The following SHISA6 variants were observed in gnomAD, a reference collection of about 807,000 sequenced individuals.
SHISA6 encodes protein shisa-6.
In SHISA6, 22 loss-of-function variants were observed where a neutral mutation model predicts 47.9. The ratio of observed to expected loss-of-function variants is 0.46; its 90% CI spans 0.33 to 0.66. SHISA6 has a LOEUF of 0.66. SHISA6 is among the 30% of genes least tolerant of loss of function. The probability of loss-of-function intolerance (pLI) is 0.02; values close to 1 mark genes in which losing one functional copy is unlikely to be tolerated. For synonymous variants in SHISA6, 388 were observed against 337.8 expected, an observed-to-expected ratio of 1.15 and a Z score of -1.63; for missense variants, 680 against 764.6, an observed-to-expected ratio of 0.89 and a Z score of 1.30.
intron 2 of SHISA6, among the ~76,000 whole-genome samples, chr17:11,354,345 G>T (rs1235543050): frequency 6.6e-6 from 1 of 152,094 alleles, no homozygotes; most frequent in East Asian, 1.9e-4. Flanking sequence ...GCACATTCTG[G>T]GTAGCTGGGT....
intron 2 of SHISA6, among the ~76,000 whole-genome samples, chr17:11,360,045 A>G (rs997755477): frequency 6.6e-5 from 10 of 152,234 alleles, no homozygotes; most frequent in African/African-American, 1.9e-4. Context: ...AATTTACCAT[A>G]GCAAAGACTT....
At chr17:11,311,302 C>T (rs1910334556) in intron 2 of SHISA6, among the ~76,000 whole-genome samples, 2 of 134,206 alleles carry the variant, frequency 1.5e-5, no homozygotes, top group South Asian at 2.4e-4. Context: ...AAAAAAAAAC[C>T]GACAAACAAA....
intron 1 of SHISA6, among the ~76,000 whole-genome samples, chr17:11,257,604 C>T (rs1349579653): frequency 5.3e-5 from 8 of 149,586 alleles, no homozygotes; most frequent in Admixed American, 1.3e-4. Context: ...GAGGCTGCAG[C>T]GAGCCGTGAT....
intron 4 of SHISA6, among the ~76,000 whole-genome samples, 194 bp downstream of exon 4, chr17:11,552,146 T>C (rs2071937226): frequency 6.6e-6 from 1 of 152,230 alleles, no homozygotes. Flanking sequence ...TTCCCCTTGG[T>C]GTTTCTGTCT....
intron 3 of SHISA6, among the ~76,000 whole-genome samples, chr17:11,550,023 C>G (rs949951232): frequency 6.6e-6 from 1 of 152,050 alleles, no homozygotes; most frequent in Non-Finnish European, 1.5e-5. Flanking sequence ...TGGCCTACTT[C>G]CCAAACCCAC....
At chr17:11,356,997 CCT>C (rs1332554729) in intron 2 of SHISA6, among the ~76,000 whole-genome samples, 1 of 151,800 alleles carries the variant, frequency 6.6e-6, no homozygotes. Flanking sequence ...ATCGTGAAAT[CCT>C]GTCTGTACTT....
intron 3 of SHISA6, among the ~76,000 whole-genome samples, chr17:11,380,714 G>T (rs1912979735): frequency 6.6e-6 from 1 of 152,166 alleles, no homozygotes; most frequent in South Asian, 2.1e-4. Flanking sequence ...GTTCCTGTGG[G>T]TTGGGAACCT....
chr17:11,551,510 A>G (rs1173261077), intron 3 of SHISA6, among the ~76,000 whole-genome samples: 1 of 151,994 alleles, frequency 6.6e-6, no homozygotes, highest in East Asian at 1.9e-4. Context: ...ACCACACCCT[A>G]ATACCCACCA....
chr17:11,289,821 C>T (rs1909456047), intron 2 of SHISA6: 1 of 151,844 alleles, frequency 6.6e-6, no homozygotes, highest in Admixed American at 6.6e-5. Flanking sequence ...AGTGCTTGTG[C>T]TCTCTCTCTT....
Position 11,241,475 on chromosome 17 carries a change from A to G in SHISA6, c.53A>G (p.Asp18Gly). 1.7e-6 allele frequency: 2 copies of G among 1,194,270 alleles called. No individual in the cohort carries two copies. The highest frequency in any genetic ancestry group is 1.1e-6 in the Non-Finnish European group (1 of 948,392). 74.0% of individuals were successfully genotyped at this position (1,194,270 alleles called of 1,614,324 possible). A position where few individuals can be genotyped will look rare whatever the true frequency, so the allele number is the denominator to read the frequency against. The change falls in exon 1 of 6, where the codon GAC (aspartate) becomes GGC (glycine). Residue 18 changes from aspartate (D) to glycine (G), a missense_variant. By Grantham distance (94) the Asp-to-Gly change is moderately conservative. Transcript: ENST00000441885. The surrounding 1 kb of genome is among the most constrained non-coding windows in gnomAD (Gnocchi z 5.5). ...LLLLLSLESL[D>G]LLPSVHGARG... is the part of the protein sequence containing the mutation. ...CTGCTGCTCTCGCTGGAGTCCCTGG[A>G]CCTGCTGCCCAGCGTCCACGGAGCC...
intron 3 of SHISA6, among the ~76,000 whole-genome samples, chr17:11,415,398 G>A (rs1270381101): frequency 2.0e-5 from 3 of 152,082 alleles, no homozygotes; most frequent in African/African-American, 7.2e-5. Flanking sequence ...TATAATCCAT[G>A]GTGTGAAAGT....
intron 2 of SHISA6, among the ~76,000 whole-genome samples, chr17:11,276,135 G>A (rs1908880024): frequency 6.6e-6 from 1 of 151,980 alleles, no homozygotes; most frequent in African/African-American, 2.4e-5. Flanking sequence ...GTGCCACCAT[G>A]CCTGGCTAAT....
intron 3 of SHISA6, among the ~76,000 whole-genome samples, chr17:11,462,338 C>CTTG (rs1915712880): frequency 6.6e-6 from 1 of 152,176 alleles, no homozygotes; most frequent in African/African-American, 2.4e-5. Flanking sequence ...GGCAAAGATG[C>CTTG]TTGTCTGTGT....
Position 11,557,977 on chromosome 17 carries a change from C to A in SHISA6, c.1329C>A (p.Asp443Glu), listed in dbSNP as rs369941337. The change falls in exon 6 of 6, where the codon GAC becomes GAA. Residue 443 changes from aspartate (D) to glutamate (E), a missense_variant. Physicochemically the swap from Asp to Glu is conservative, Grantham distance 45. Transcript: ENST00000441885. Reference protein sequence around the residue: ...FSMPYDRILSDEQLLSTERLH... With the variant: ...FSMPYDRILSEEQLLSTERLH... Reference sequence around the variant, plus strand: ...TGCCCTACGACCGCATCCTGTCCGACGAGCAGCTGCTCTCCACGGAGCGCC... The same window carrying A: ...TGCCCTACGACCGCATCCTGTCCGAAGAGCAGCTGCTCTCCACGGAGCGCC... The A allele has an allele frequency of 1.3e-6, 2 of 1,551,522 alleles. No homozygotes were observed. The highest frequency in any genetic ancestry group is 1.7e-6 in the Non-Finnish European group (2 of 1,146,930).
intron 3 of SHISA6, among the ~76,000 whole-genome samples, chr17:11,530,721 G>A (rs891735804): frequency 3.3e-5 from 5 of 152,116 alleles, no homozygotes; most frequent in African/African-American, 9.7e-5. Context: ...AAGGTTAGTC[G>A]TTTATTTAAG....
chr17:11,312,933 T>TTATAAGACA, intron 2 of SHISA6, among the ~76,000 whole-genome samples: 1 of 152,236 alleles, frequency 6.6e-6, no homozygotes, highest in Non-Finnish European at 1.5e-5. Flanking sequence ...AAGGCGTTGA[T>TTATAAGACA]GTGCTTATAA....
intron 2 of SHISA6, among the ~76,000 whole-genome samples, chr17:11,355,109 C>G (rs928235556): frequency 6.6e-6 from 1 of 152,192 alleles, no homozygotes; most frequent in African/African-American, 2.4e-5. Flanking sequence ...TTTATTAAAA[C>G]CACCTCAGAG....
intron 3 of SHISA6, among the ~76,000 whole-genome samples, chr17:11,489,234 G>T (rs7218658): frequency 6.6e-6 from 1 of 151,928 alleles, no homozygotes; most frequent in Admixed American, 6.6e-5. Context: ...GCTTCTCGGG[G>T]CCCCAATTTT....
chr17:11,269,049 G>GT lies in SHISA6; in HGVS notation c.799+5535dup, dbSNP rs113666166. ...CCAGTTTTTTTTGTTTGTCTGTTTT[G>GT]TTTTTTTTTTTTAATGGAGTCTTGC... On this transcript the variant is annotated intron_variant, in intron 2 of 5. Coordinates refer to ENST00000441885, the MANE Select transcript of SHISA6 (RefSeq NM_207386.4). Among the ~76,000 whole-genome samples the GT allele has an allele frequency of 3.2e-3, 441 of 138,138 alleles. 4 individuals carry two copies. Among genetic ancestry groups the GT allele is most frequent in the South Asian group, 0.023 (102 of 4,442 alleles). The allele number at this position is 138,138 out of a possible 152,430, so 90.6% of individuals were successfully genotyped here.
Sources: gnomAD v4.1 joint callset for allele counts (sites outside exome capture counted in the v4.1 genomes callset) on GRCh38, gnomAD v4.1.1 for gene constraint, Gnocchi (gnomAD v3.1) non-coding constraint, MANE v1.5 for transcripts, NCBI Gene and HGNC (gene_info 2026-07-23, HGNC 2026-07-21) for gene names.